The following RPS24 variants were observed in gnomAD, a reference collection of about 807,000 sequenced individuals.
The protein encoded by RPS24 is small ribosomal subunit protein eS24.
For synonymous variants in RPS24, 72 were observed against 55.6 expected (o/e 1.30, Z -1.31); for missense variants, 100 against 162.5 (o/e 0.62, Z 2.09).
intron 4 of RPS24, chr10:78,037,612 C>A: frequency 2.7e-6 from 1 of 364,982 alleles, no homozygotes; most frequent in Non-Finnish European, 5.1e-6. Context: ...TACTAATTGG[C>A]ATAGAACCTT....
chr10:78,041,539 C>T (rs574285340), downstream of RPS24, among the ~76,000 whole-genome samples: 1 of 152,280 alleles, frequency 6.6e-6, no homozygotes, highest in Admixed American at 6.5e-5. Context: ...AGAATGGGGT[C>T]TTTGATGTGA....
chr10:78,042,407 A>G (rs1489615559), downstream of RPS24, among the ~76,000 whole-genome samples: 2 of 152,086 alleles, frequency 1.3e-5, no homozygotes, highest in Admixed American at 6.5e-5. Flanking sequence ...TCTGCTAGCT[A>G]CCCTGGCTCA....
downstream of RPS24, among the ~76,000 whole-genome samples, chr10:78,044,599 A>G (rs538639700): frequency 6.6e-6 from 1 of 151,750 alleles, no homozygotes; most frequent in South Asian, 2.1e-4. Flanking sequence ...CCATACATTA[A>G]TCCAACTGTC....
exon 5 of RPS24, chr10:78,055,221 T>C (rs1848139298): frequency 1.5e-6 from 1 of 647,554 alleles, no homozygotes; most frequent in Non-Finnish European, 2.2e-6. Context: ...GCCACTGGCC[T>C]CCCACCACCT....
At chr10:78,039,843 C>T (rs1411512334) in intron 4 of RPS24, 6 of 349,278 alleles carry the variant, frequency 1.7e-5, no homozygotes, top group Admixed American at 8.4e-5. Flanking sequence ...GGTGTGTGTC[C>T]AGCACAATGT....
intron 4 of RPS24, among the ~76,000 whole-genome samples, chr10:78,048,277 T>G (rs1035023947): frequency 3.3e-5 from 5 of 152,264 alleles, no homozygotes; most frequent in Admixed American, 3.3e-4. Context: ...GTTTCTATTC[T>G]GCACTGTTTG....
downstream of RPS24, among the ~76,000 whole-genome samples, chr10:78,041,201 T>G (rs1672328016): frequency 6.6e-6 from 1 of 152,030 alleles, no homozygotes; most frequent in African/African-American, 2.4e-5. Context: ...CTGAAAGACT[T>G]GGTTGGGCAT....
chr10:78,035,245 T>C, intron 1 of RPS24, 107 bp from the exon 2 acceptor site: 1 of 1,121,444 alleles, frequency 8.9e-7, no homozygotes, highest in Non-Finnish European at 1.4e-6. Flanking sequence ...GTTCGCTACA[T>C]GACTAATGGC....
chr10:78,044,689 C>G (rs776334986), downstream of RPS24, among the ~76,000 whole-genome samples: 28 of 150,806 alleles, frequency 1.9e-4, no homozygotes, highest in Non-Finnish European at 3.1e-4. Context: ...CTCCCAGTGC[C>G]CACAGTCTGG....
rs1002532197 is a variant in RPS24 at position 78,054,435 on chromosome 10, G to A, written c.391-96G>A. On this transcript the variant is annotated intron_variant, in intron 4 of 4. Transcript: ENST00000440692. Reference sequence around the variant, plus strand: ...CTGATCTTCCCTGGTACCAAGTGAGGGAGGTGCAGAATCCCAGGCCACAGG... The same window carrying A: ...CTGATCTTCCCTGGTACCAAGTGAGAGAGGTGCAGAATCCCAGGCCACAGG... 4.1e-5 allele frequency: 45 copies of A among 1,091,650 alleles called. No individual in the cohort carries two copies. In the East Asian group the frequency reaches 1.1e-3, roughly 27 times the overall value. The allele number at this position is 1,091,650 out of a possible 1,614,324, so 67.6% of individuals were successfully genotyped here. A position where few individuals can be genotyped will look rare whatever the true frequency, so the allele number is the denominator to read the frequency against.
At chr10:78,052,215 G>A (rs1334121875) in intron 4 of RPS24, among the ~76,000 whole-genome samples, 6 of 151,774 alleles carry the variant, frequency 4.0e-5, no homozygotes, top group African/African-American at 9.7e-5. Flanking sequence ...TAGTAGAGAC[G>A]GGGTTTCACC....
intron 5 of RPS24, 106 bp downstream of exon 5, chr10:78,040,331 T>C: frequency 1.0e-6 from 1 of 983,266 alleles, no homozygotes; most frequent in Non-Finnish European, 1.6e-6. Flanking sequence ...GAAGTAGATT[T>C]ACAAATATTC....
chr10:78,051,663 A>G (rs1326201076), intron 4 of RPS24, among the ~76,000 whole-genome samples: 3 of 152,190 alleles, frequency 2.0e-5, no homozygotes, highest in East Asian at 1.9e-4. Flanking sequence ...AGGCAGCACC[A>G]TTTTATGTTC....
At chr10:78,034,015 G>T in intron 1 of RPS24, 111 bp downstream of exon 1, 1 of 1,359,594 alleles carries the variant, frequency 7.4e-7, no homozygotes. Context: ...CTCTTCTCTG[G>T]CCGTTTCTGT....
intron 3 of RPS24, 54 bp downstream of exon 3, chr10:78,035,774 C>T (rs1024963053): frequency 1.3e-5 from 19 of 1,433,578 alleles, no homozygotes; most frequent in Non-Finnish European, 1.4e-5. Context: ...TTTTCAATAG[C>T]GTTGTGTTGT....
intron 4 of RPS24, among the ~76,000 whole-genome samples, chr10:78,054,140 A>G (rs1848127885): frequency 6.6e-6 from 1 of 152,074 alleles, no homozygotes; most frequent in South Asian, 2.1e-4. Context: ...GCGAATGGCC[A>G]GAGAGTCTGG....
chr10:78,042,425 A>C (rs550714235), downstream of RPS24, among the ~76,000 whole-genome samples: 1 of 152,170 alleles, frequency 6.6e-6, no homozygotes, highest in East Asian at 1.9e-4. Context: ...TCACAAGGCT[A>C]TTTTGAGGCT....
intron 4 of RPS24, among the ~76,000 whole-genome samples, chr10:78,046,151 G>C (rs1848041058): frequency 6.6e-6 from 1 of 152,056 alleles, no homozygotes; most frequent in African/African-American, 2.4e-5. Context: ...GGCTTGGGAA[G>C]CTGGACTGAA....
At chr10:78,040,281 G>A (rs1049297530) in intron 5 of RPS24, 56 bp downstream of exon 5, 7 of 1,437,660 alleles carry the variant, frequency 4.9e-6, no homozygotes, top group Non-Finnish European at 6.9e-6. Flanking sequence ...TTGGTGTACT[G>A]ACGTAGCAAT....
Sources: gnomAD v4.1 joint callset for allele counts (sites outside exome capture counted in the v4.1 genomes callset) on GRCh38, gnomAD v4.1.1 for gene constraint, MANE v1.5 for transcripts, NCBI Gene and HGNC (gene_info 2026-07-23, HGNC 2026-07-21) for gene names.